Variants in POLR3F observed in about 807,000 individuals in gnomAD.
POLR3F encodes the protein RNA polymerase III subunit F, also known as DNA-directed RNA polymerase III subunit RPC6.
A neutral mutation model predicts 43.6 loss-of-function variants in POLR3F; 31 were observed. The observed-to-expected ratio is 0.71, with a 90% confidence interval of 0.53 to 0.96. POLR3F has a LOEUF of 0.96. Ranked by LOEUF, POLR3F falls within the 40% of genes least tolerant of loss-of-function variation. The pLI is 0.00. For synonymous variants in POLR3F, 114 were observed against 132.5 expected, an observed-to-expected ratio of 0.86 and a Z score of 0.96; for missense variants, 316 against 391.7, an observed-to-expected ratio of 0.81 and a Z score of 1.63.
intron 8 of POLR3F, among the ~76,000 whole-genome samples, chr20:18,483,253 C>T (rs2424212): frequency 0.83 from 126,448 of 152,060 alleles, 52,858 homozygotes; most frequent in South Asian, 0.91. Flanking sequence ...TTAGTAGAGA[C>T]GGGGTTTCAC....
intron 2 of POLR3F, among the ~76,000 whole-genome samples, chr20:18,470,095 G>C (rs2059740398): frequency 6.6e-6 from 1 of 152,164 alleles, no homozygotes; most frequent in Non-Finnish European, 1.5e-5. Flanking sequence ...CCCACCAAGT[G>C]GTGCCGATGC....
At chr20:18,479,247 GCA>G (rs927102744) in intron 5 of POLR3F, among the ~76,000 whole-genome samples, 71 of 152,304 alleles carry the variant, frequency 4.7e-4, no homozygotes, top group African/African-American at 1.6e-3. Flanking sequence ...TGTAATCCCA[GCA>G]CTTTGGGAGG....
chr20:18,473,930 C>T (rs1311406958), intron 4 of POLR3F, among the ~76,000 whole-genome samples: 1 of 151,994 alleles, frequency 6.6e-6, no homozygotes, highest in Non-Finnish European at 1.5e-5. Flanking sequence ...GCTATAGTTT[C>T]TCTTCTACCC....
In POLR3F at chr20:18,480,414, C is replaced by T. The variant is rs769797594; in HGVS notation, c.586C>T (p.Arg196Ter). The T allele has an allele frequency of 7.5e-6, 12 of 1,607,176 alleles. No individual in the cohort carries two copies. Among genetic ancestry groups the T allele is most frequent in the Middle Eastern group, 1.7e-4 (1 of 6,050 alleles). The change falls in exon 7 of 9, where the codon CGA (arginine) becomes TGA (stop). Residue 196 changes from arginine to a stop codon, truncating the protein, a stop_gained. Coordinates refer to ENST00000377603, the MANE Select transcript of POLR3F (RefSeq NM_006466.4). LOFTEE classifies it high-confidence loss of function. ...TCAATCCTTATAGGCAGAAACAGCACGAGAAAGCAAACAGAACCCAATGAT... is the reference window on the plus strand; with the variant it reads ...TCAATCCTTATAGGCAGAAACAGCATGAGAAAGCAAACAGAACCCAATGAT... ...KFLQSKAETA[R>*]ESKQNPMIQR...
At chr20:18,474,732 G>A (rs2148863711) in intron 4 of POLR3F, among the ~76,000 whole-genome samples, 1 of 152,170 alleles carries the variant, frequency 6.6e-6, no homozygotes, top group Middle Eastern at 3.4e-3. Flanking sequence ...ATGTTGGCCA[G>A]GCTGGTCTCA....
intron 8 of POLR3F, among the ~76,000 whole-genome samples, chr20:18,482,570 C>T (rs886860671): frequency 2.0e-5 from 3 of 152,062 alleles, no homozygotes; most frequent in Non-Finnish European, 4.4e-5. Flanking sequence ...TAGAAGTAAC[C>T]GGGATTCAAA....
intron 5 of POLR3F, among the ~76,000 whole-genome samples, chr20:18,479,037 C>T (rs1242153583): frequency 6.6e-6 from 1 of 151,686 alleles, no homozygotes; most frequent in Non-Finnish European, 1.5e-5. Context: ...CCCAGCTACT[C>T]GGGAGGCTGA....
In POLR3F at chr20:18,480,454, C is replaced by A. The variant is rs960113835; in HGVS notation, c.626C>A (p.Ser209Ter). ...KQNPMIQRNSSFASSHEVWKY... is the reference protein window; with the variant it reads ...KQNPMIQRNS ...AACCCAATGATACAAAGAAATAGTT[C>A]ATTTGCCTCATCACATGAAGTGTGG... Residue 209 changes from serine to a stop codon, truncating the protein, a stop_gained, in exon 7 of 9, where the codon TCA (serine) becomes TAA (stop). Coordinates refer to ENST00000377603, the MANE Select transcript of POLR3F (RefSeq NM_006466.4). LOFTEE classifies it high-confidence loss of function. 3.7e-6 allele frequency: 6 copies of A among 1,612,314 alleles called. No homozygotes were observed. The highest frequency in any genetic ancestry group is 5.1e-6 in the Non-Finnish European group (6 of 1,178,388).
chr20:18,481,776 C>A lies in POLR3F; in HGVS notation c.839C>A (p.Thr280Lys), dbSNP rs201177947. Residue 280 changes from threonine (T) to lysine (K), a missense_variant, in exon 8 of 9, where the codon ACA becomes AAA. Around this residue, in one of 3 missense-constraint regions of POLR3F, gnomAD observed 85 missense variants for 80.2 expected, o/e 1.06. Transcript: ENST00000377603. ...YRAVNPIIPP[T>K]GLVRAPCGLC... is the part of the protein sequence containing the mutation. ...GCAGTCAATCCAATCATCCCTCCCA[C>A]AGGTTTGGTCCGGGCACCCTGTGGA... is the stretch of plus-strand genomic sequence containing the variant. 2 of 1,613,478 alleles carry A rather than the reference C, an allele frequency of 1.2e-6. No homozygotes were observed. Among genetic ancestry groups the A allele is most frequent in the African/African-American group, 1.3e-5 (1 of 74,902 alleles).
chr20:18,478,916 G>A (rs2059794515), intron 5 of POLR3F, among the ~76,000 whole-genome samples: 1 of 152,146 alleles, frequency 6.6e-6, no homozygotes, highest in Non-Finnish European at 1.5e-5. Flanking sequence ...GCCAAGGAGG[G>A]TGGATCACCT....
At chr20:18,473,019 G>T (rs6111979) in intron 3 of POLR3F, 110 bp downstream of exon 3, 62,203 of 508,820 alleles carry the variant, frequency 0.12, 6,079 homozygotes, top group East Asian at 0.33. Context: ...TATCATCCCT[G>T]CCTCCTATGA....
At chr20:18,479,553 A>AATT in intron 5 of POLR3F, among the ~76,000 whole-genome samples, 1 of 152,218 alleles carries the variant, frequency 6.6e-6, no homozygotes, top group African/African-American at 2.4e-5. Flanking sequence ...TAGCAAAGGG[A>AATT]TACAGGAACC....
chr20:18,470,347 C>T (rs2059742743), intron 2 of POLR3F, among the ~76,000 whole-genome samples: 1 of 152,136 alleles, frequency 6.6e-6, no homozygotes, highest in Non-Finnish European at 1.5e-5. Context: ...AGTTGGCAAA[C>T]TTTTTCTATA....
chr20:18,483,837 T>G lies in POLR3F; in HGVS notation c.*279T>G, dbSNP rs1600207861. Reference sequence around the variant, plus strand: ...GGAGGACCACATCTTTCAAGACTTCTGATGGGTCAAGGAAAAAGATGCCAA... The same window carrying G: ...GGAGGACCACATCTTTCAAGACTTCGGATGGGTCAAGGAAAAAGATGCCAA... On this transcript the variant is annotated 3_prime_UTR_variant, in exon 9 of 9. Coordinates refer to ENST00000377603, the MANE Select transcript of POLR3F (RefSeq NM_006466.4). The G allele has an allele frequency of 7.6e-6, 3 of 395,748 alleles. No homozygotes were observed. The highest frequency in any genetic ancestry group is 1.3e-5 in the Non-Finnish European group (3 of 225,756). 24.5% of individuals were successfully genotyped at this position (395,748 alleles called of 1,614,324 possible). A position where few individuals can be genotyped will look rare whatever the true frequency, so the allele number is the denominator to read the frequency against.
At chr20:18,469,162 G>T in intron 2 of POLR3F, 101 bp downstream of exon 2, 2 of 726,660 alleles carry the variant, frequency 2.8e-6, no homozygotes, top group South Asian at 3.1e-5. Flanking sequence ...ACTTGACTAA[G>T]ATACAGGATT....
At chr20:18,475,780 T>C (rs184034329) in intron 5 of POLR3F, among the ~76,000 whole-genome samples, 61 of 152,350 alleles carry the variant, frequency 4.0e-4, no homozygotes, top group African/African-American at 1.3e-3. Flanking sequence ...AATTTTATAA[T>C]TTCAGAGCTG....
intron 2 of POLR3F, among the ~76,000 whole-genome samples, chr20:18,471,743 G>A (rs2059752745): frequency 6.6e-6 from 1 of 152,232 alleles, no homozygotes; most frequent in Non-Finnish European, 1.5e-5. Flanking sequence ...AGCACTTTGG[G>A]AGGCCGAGGT....
In POLR3F at chr20:18,483,613, A is replaced by G; in HGVS notation, c.*55A>G. 1 of 731,400 alleles carries G rather than the reference A, an allele frequency of 1.4e-6. No individual in the cohort carries two copies. Among genetic ancestry groups the G allele is most frequent in the Admixed American group, 2.7e-5 (1 of 36,976 alleles). 45.3% of individuals were successfully genotyped at this position (731,400 alleles called of 1,614,324 possible). ...GCAAATGAAGTTACTTAGGGAGCAG[A>G]TAATTTAATTCATGATGGAACACGA... is the stretch of plus-strand genomic sequence containing the variant. On this transcript the variant is annotated 3_prime_UTR_variant, in exon 9 of 9. Coordinates refer to ENST00000377603, the MANE Select transcript of POLR3F (RefSeq NM_006466.4).
rs1379727796 is a variant in POLR3F, at chr20:18,467,470, T to C, written c.-37T>C. 6 of 1,613,048 alleles carry C rather than the reference T, an allele frequency of 3.7e-6. No individual in the cohort carries two copies. The highest frequency in any genetic ancestry group is 3.3e-4 in the Middle Eastern group (2 of 6,060). Reference sequence around the variant, plus strand: ...CCCGGCTTGCTACCGGGCTGCTCCGTGCATCTTTCCCCCCAGGCGTCAGGA... The same window carrying C: ...CCCGGCTTGCTACCGGGCTGCTCCGCGCATCTTTCCCCCCAGGCGTCAGGA... On this transcript the variant is annotated 5_prime_UTR_variant, in exon 1 of 9. Transcript: ENST00000377603.
Sources: allele counts gnomAD v4.1 joint callset (sites outside exome capture counted in the v4.1 genomes callset), GRCh38; gene constraint gnomAD v4.1.1; regional missense constraint gnomAD v4.1.1; transcripts MANE v1.5; gene names NCBI Gene and HGNC (gene_info 2026-07-23, HGNC 2026-07-21).